STK32B: variants seen among roughly 807,000 people sequenced by gnomAD.
STK32B encodes serine/threonine kinase 32B, also known as serine/threonine-protein kinase 32B.
A neutral mutation model predicts 52.6 loss-of-function variants in STK32B; 43 were observed. The ratio of observed to expected loss-of-function variants is 0.82; its 90% CI spans 0.64 to 1.05. The LOEUF is 1.05. Ranked by LOEUF, STK32B falls within the 50% of genes least tolerant of loss-of-function variation. STK32B has a pLI of 0.00. For synonymous variants in STK32B, 238 were observed against 204.3 expected, an observed-to-expected ratio of 1.17 and a Z score of -1.41; for missense variants, 621 against 534.6, an observed-to-expected ratio of 1.16 and a Z score of -1.59.
At chr4:5,448,300 G>A (rs569022892) in intron 7 of STK32B, among the ~76,000 whole-genome samples, 41 of 152,352 alleles carry the variant, frequency 2.7e-4, no homozygotes, top group South Asian at 1.2e-3. Context: ...CTGCGGGGCT[G>A]CATAAGACAG....
chr4:5,316,868 T>TAA (rs558178263), intron 3 of STK32B, among the ~76,000 whole-genome samples: 70 of 4,954 alleles, frequency 0.014, 10 homozygotes, highest in African/African-American at 0.083. Context: ...ATATTATATA[T>TAA]TATATATAAT....
chr4:5,406,654 C>A (rs1156685178), intron 5 of STK32B, among the ~76,000 whole-genome samples: 2 of 152,188 alleles, frequency 1.3e-5, no homozygotes, highest in Non-Finnish European at 2.9e-5. Flanking sequence ...GGCTTGCACC[C>A]TTTGGAGCAG....
At chr4:5,342,194 T>C (rs2108971602) in intron 4 of STK32B, among the ~76,000 whole-genome samples, 1 of 152,330 alleles carries the variant, frequency 6.6e-6, no homozygotes, top group Middle Eastern at 3.4e-3. Context: ...GTGATCTCAT[T>C]ACCAGGTATT....
chr4:5,353,922 T>C (rs186451191), intron 4 of STK32B, among the ~76,000 whole-genome samples: 1 of 152,316 alleles, frequency 6.6e-6, no homozygotes, highest in East Asian at 1.9e-4. Flanking sequence ...ATCAAAGGGA[T>C]ACAGGCATGC....
intron 3 of STK32B, among the ~76,000 whole-genome samples, chr4:5,180,251 CAGA>C (rs1720252266): frequency 2.0e-5 from 3 of 152,238 alleles, no homozygotes; most frequent in Non-Finnish European, 2.9e-5. Flanking sequence ...CAGACTCAGA[CAGA>C]CTCACCATGT....
chr4:5,405,631 A>G (rs1323450664), intron 5 of STK32B, among the ~76,000 whole-genome samples: 1 of 152,148 alleles, frequency 6.6e-6, no homozygotes, highest in Non-Finnish European at 1.5e-5. Flanking sequence ...AGTTATAATC[A>G]TGGCAGAAGG....
chr4:5,363,980 T>G (rs906896682), intron 4 of STK32B, among the ~76,000 whole-genome samples: 7 of 152,156 alleles, frequency 4.6e-5, no homozygotes, highest in African/African-American at 1.7e-4. Flanking sequence ...TGTCAATATT[T>G]ACATAAACTA....
At chr4:5,161,834 C>T (rs529364001) in intron 2 of STK32B, among the ~76,000 whole-genome samples, 21 of 152,256 alleles carry the variant, frequency 1.4e-4, no homozygotes, top group African/African-American at 4.8e-4. Context: ...TTTTCTTCCC[C>T]CTACCCCCAC....
At chr4:5,494,355 T>G (rs184017885) in intron 11 of STK32B, among the ~76,000 whole-genome samples, 54 of 151,950 alleles carry the variant, frequency 3.6e-4, no homozygotes, top group African/African-American at 1.2e-3. Context: ...CTTTTGATCT[T>G]TGTTGGTTTA....
intron 2 of STK32B, among the ~76,000 whole-genome samples, chr4:5,142,257 A>G (rs1004383689): frequency 1.3e-5 from 2 of 152,210 alleles, no homozygotes; most frequent in East Asian, 3.9e-4. Context: ...TCAATGGTCA[A>G]CTCTATTCCT....
Position 5,437,013 on chromosome 4 carries a change from A to T in STK32B, c.563-9660A>T, listed in dbSNP as rs76311395. Among the ~76,000 whole-genome samples the T allele has an allele frequency of 5.1e-3, 777 of 152,338 alleles. 48 individuals carry two copies. The East Asian group carries it at 0.12, about 24-fold the overall frequency. ...CACACATTTATTAAGTGCCTTCTGTATACTGGGCTGAGCACCAGGTCCTGG... is the reference window on the plus strand; with the variant it reads ...CACACATTTATTAAGTGCCTTCTGTTTACTGGGCTGAGCACCAGGTCCTGG... On this transcript the variant is annotated intron_variant, in intron 6 of 11. Coordinates refer to ENST00000282908, the MANE Select transcript of STK32B (RefSeq NM_018401.3).
intron 3 of STK32B, among the ~76,000 whole-genome samples, chr4:5,317,246 A>ATATATAACATATATATATAT (rs1560313469): frequency 9.7e-5 from 4 of 41,362 alleles, no homozygotes; most frequent in African/African-American, 5.7e-4. Context: ...TATATATATT[A>ATATATAACATATATATATAT]TATATAACAT....
intron 1 of STK32B, among the ~76,000 whole-genome samples, chr4:5,099,454 G>GTGCGTGCGCACA (rs138682243): frequency 1.5e-5 from 2 of 129,744 alleles, no homozygotes; most frequent in Non-Finnish European, 3.7e-5. Flanking sequence ...GTGTGTGCGC[G>GTGCGTGCGCACA]CGCGCGTATG....
At chr4:5,032,398 G>A in the STK32B span, among the ~76,000 whole-genome samples, 15 of 149,936 alleles carry the variant, frequency 1.0e-4, no homozygotes, top group South Asian at 2.1e-4. Flanking sequence ...GCTTCAACCC[G>A]GGAGGCGGAG....
chr4:5,471,027 A>G (rs1560442284), intron 11 of STK32B, among the ~76,000 whole-genome samples: 1 of 152,152 alleles, frequency 6.6e-6, no homozygotes, highest in East Asian at 1.9e-4. Context: ...TCAGCCTGAC[A>G]CCAGTTGCTC....
At chr4:5,302,247 T>A (rs914131505) in intron 3 of STK32B, among the ~76,000 whole-genome samples, 10 of 151,934 alleles carry the variant, frequency 6.6e-5, no homozygotes, top group Non-Finnish European at 1.5e-5. Context: ...ATGCTTTCAG[T>A]GTATCCCCAG....
chr4:5,362,892 CA>C, intron 4 of STK32B, among the ~76,000 whole-genome samples: 1 of 152,326 alleles, frequency 6.6e-6, no homozygotes, highest in African/African-American at 2.4e-5. Flanking sequence ...GTGCTTTCAT[CA>C]ATTCAACCTC....
chr4:5,317,922 G>A (rs955989969), intron 3 of STK32B, among the ~76,000 whole-genome samples: 1 of 152,118 alleles, frequency 6.6e-6, no homozygotes, highest in Non-Finnish European at 1.5e-5. Flanking sequence ...CTGAAAATCT[G>A]TTAGAATTGC....
At chr4:5,375,444 T>A (rs1405897448) in intron 4 of STK32B, among the ~76,000 whole-genome samples, 1 of 152,222 alleles carries the variant, frequency 6.6e-6, no homozygotes, top group Non-Finnish European at 1.5e-5. Context: ...TTTTTCCATC[T>A]CTGGGACTTT....
Sources: allele counts gnomAD v4.1 joint callset (sites outside exome capture counted in the v4.1 genomes callset), GRCh38; gene constraint gnomAD v4.1.1; transcripts MANE v1.5; gene names NCBI Gene and HGNC (gene_info 2026-07-23, HGNC 2026-07-21).